Variants in EBF1 observed in about 807,000 individuals in gnomAD.
EBF1 encodes the protein transcription factor COE1.
In EBF1, 10 loss-of-function variants were observed where a neutral mutation model predicts 68.4. The observed-to-expected ratio is 0.15, with a 90% confidence interval of 0.09 to 0.25. The LOEUF (loss-of-function observed/expected upper bound fraction) is 0.25, where lower values mean the gene tolerates loss of function less well. Among genes scored for constraint, EBF1 ranks in the 10% least tolerant of loss-of-function variants. The pLI, the probability that EBF1 is intolerant of heterozygous loss-of-function variation, is 1.00. For missense variants in EBF1, 509 were observed against 794.4 expected (o/e 0.64, Z 4.32); for synonymous variants, 298 against 299.8 (o/e 0.99, Z 0.06).
chr5:158,703,709 G>A (rs979423668), intron 15 of EBF1, among the ~76,000 whole-genome samples: 4 of 151,936 alleles, frequency 2.6e-5, no homozygotes, highest in African/African-American at 7.3e-5. Flanking sequence ...GAATCCTACT[G>A]GTCACCGCAT....
intron 6 of EBF1, among the ~76,000 whole-genome samples, chr5:159,045,760 AAACTGC>A (rs1458109465): frequency 1.3e-5 from 2 of 152,224 alleles, no homozygotes; most frequent in African/African-American, 4.8e-5. Context: ...ATTTCTATTG[AAACTGC>A]AGGAGCTTGA....
At chr5:158,952,149 C>T (rs1375584092) in intron 6 of EBF1, among the ~76,000 whole-genome samples, 4 of 151,908 alleles carry the variant, frequency 2.6e-5, no homozygotes, top group Non-Finnish European at 4.4e-5. Context: ...AAGGTGTTGC[C>T]GATTAAACTA....
chr5:158,919,232 T>G (rs1277556905), intron 6 of EBF1, among the ~76,000 whole-genome samples: 1 of 147,870 alleles, frequency 6.8e-6, no homozygotes, highest in Non-Finnish European at 1.5e-5. Context: ...AGGATGAAAT[T>G]AAGATTTTTT....
At chr5:159,085,663 T>C (rs1432510857) in intron 4 of EBF1, among the ~76,000 whole-genome samples, 1 of 152,212 alleles carries the variant, frequency 6.6e-6, no homozygotes, top group Non-Finnish European at 1.5e-5. Flanking sequence ...ATCACACGGC[T>C]TCAAATTGTT....
rs534723850 is a variant in EBF1, at chr5:158,960,293, T to G, written c.554+113103A>C. Among the ~76,000 whole-genome samples, 84 of 152,284 alleles carry G rather than the reference T, an allele frequency of 5.5e-4. 1 individual carries two copies. Among genetic ancestry groups the G allele is most frequent in the African/African-American group, 2.0e-3 (83 of 41,546 alleles). ...ATTCAAAAATTGCCACTTAAATAAA[T>G]GTTATTCAGAAAAAAATTGCTGTAT... On this transcript the variant is annotated intron_variant, in intron 6 of 15. Coordinates refer to ENST00000313708, the MANE Select transcript of EBF1 (RefSeq NM_024007.5).
intron 15 of EBF1, among the ~76,000 whole-genome samples, chr5:158,705,724 CCT>C (rs1347704213): frequency 1.3e-5 from 2 of 152,274 alleles, no homozygotes; most frequent in African/African-American, 4.8e-5. Flanking sequence ...GAGCCCAGCC[CCT>C]GTTTCCAACC....
intron 10 of EBF1, among the ~76,000 whole-genome samples, chr5:158,755,452 C>A (rs1769870000): frequency 6.6e-6 from 1 of 152,108 alleles, no homozygotes. Flanking sequence ...CTGCACCTGT[C>A]TCCTATTTTA....
At position 159,025,792 on chromosome 5, in the gene EBF1, C is replaced by T. The variant is rs749228240; in HGVS notation, c.554+47604G>A. 1.6e-3 allele frequency among the ~76,000 whole-genome samples: 238 copies of T among 152,142 alleles called. 6 individuals are homozygous for T. Among genetic ancestry groups the T allele is most frequent in the Non-Finnish European group, 4.1e-4 (28 of 68,038 alleles). On this transcript the variant is annotated intron_variant, in intron 6 of 15. Transcript: ENST00000313708. ...GGATGTTTGAAATGAGATGTGATTC[C>T]TGCTAACTACTGTCACCACCAACAT...
At chr5:159,000,666 G>A (rs533909190) in intron 6 of EBF1, among the ~76,000 whole-genome samples, 1 of 152,256 alleles carries the variant, frequency 6.6e-6, no homozygotes, top group East Asian at 1.9e-4. Flanking sequence ...GAGATTGGCA[G>A]CTCTCCAATA....
At chr5:158,960,913 G>A (rs6420100) in intron 6 of EBF1, among the ~76,000 whole-genome samples, 141,867 of 152,256 alleles carry the variant, frequency 0.93, 66,724 homozygotes, top group Non-Finnish European at 0.99. Context: ...TCCCAGCCCC[G>A]GTCGAGCCTT....
intron 6 of EBF1, among the ~76,000 whole-genome samples, chr5:158,856,604 G>C (rs1007863723): frequency 5.9e-5 from 9 of 151,810 alleles, no homozygotes; most frequent in Non-Finnish European, 1.3e-4. Context: ...ATAATAATGA[G>C]TTAAGCATAG....
chr5:158,889,221 T>C (rs1258059360), intron 6 of EBF1, among the ~76,000 whole-genome samples: 1 of 152,056 alleles, frequency 6.6e-6, no homozygotes, highest in Non-Finnish European at 1.5e-5. Context: ...CAAGTACTTG[T>C]GGAATAAACC....
intron 6 of EBF1, among the ~76,000 whole-genome samples, chr5:158,873,287 AG>A (rs1288033551): frequency 6.6e-6 from 1 of 152,144 alleles, no homozygotes; most frequent in Non-Finnish European, 1.5e-5. Context: ...TACCCCCACT[AG>A]CATCTTAGAT....
chr5:159,087,280 A>G (rs980317314), intron 4 of EBF1, among the ~76,000 whole-genome samples: 3 of 141,916 alleles, frequency 2.1e-5, no homozygotes, highest in Non-Finnish European at 3.0e-5. Context: ...ACACACACAT[A>G]TATATATATA....
chr5:158,746,653 A>C (rs540718639), intron 10 of EBF1, among the ~76,000 whole-genome samples: 3 of 152,188 alleles, frequency 2.0e-5, no homozygotes, highest in Non-Finnish European at 4.4e-5. Context: ...CAAGGAAAAA[A>C]AAAGTGACCT....
At chr5:158,707,192 A>G (rs1758036944) in intron 15 of EBF1, among the ~76,000 whole-genome samples, 1 of 152,234 alleles carries the variant, frequency 6.6e-6, no homozygotes, top group Non-Finnish European at 1.5e-5. Context: ...GGGGGCAATG[A>G]ATGAGGTTGT....
intron 6 of EBF1, among the ~76,000 whole-genome samples, chr5:159,065,363 G>T (rs908893349): frequency 2.0e-5 from 3 of 152,128 alleles, no homozygotes; most frequent in Non-Finnish European, 4.4e-5. Context: ...CGGCAAAGGC[G>T]GAGAATTCAC....
At chr5:159,079,471 C>T (rs781552012) in intron 5 of EBF1, among the ~76,000 whole-genome samples, 5 of 152,182 alleles carry the variant, frequency 3.3e-5, no homozygotes, top group Non-Finnish European at 4.4e-5. Context: ...CATCCAGGCC[C>T]TCAGCATGTA....
At chr5:159,009,642 G>A (rs116350745) in intron 6 of EBF1, among the ~76,000 whole-genome samples, 1,859 of 152,102 alleles carry the variant, frequency 0.012, 10 homozygotes, top group Middle Eastern at 0.054. Context: ...AGCTGGGCAC[G>A]GTGGTGCACA....
Sources: allele counts gnomAD v4.1 joint callset (sites outside exome capture counted in the v4.1 genomes callset), GRCh38; gene constraint gnomAD v4.1.1; transcripts MANE v1.5; gene names NCBI Gene and HGNC (gene_info 2026-07-23, HGNC 2026-07-21).